Variants in TRDN observed in about 807,000 individuals in gnomAD.
The protein encoded by TRDN is triadin, also known as triadin in skeletal muscle.
Under a neutral mutation model 149.7 loss-of-function variants are expected in TRDN, and 161 were observed. That is an observed-to-expected ratio of 1.08 (90% CI 0.95 to 1.23). The LOEUF (loss-of-function observed/expected upper bound fraction) is 1.23. TRDN is among the 50% of genes most tolerant of loss of function. The probability of loss-of-function intolerance (pLI) is 0.00; values close to 1 mark genes in which losing one functional copy is unlikely to be tolerated. For missense variants in TRDN, 896 were observed against 823.5 expected (o/e 1.09, Z -1.08); for synonymous variants, 294 against 250.5 (o/e 1.17, Z -1.64).
At chr6:123,525,542 T>C (rs191077889) in intron 5 of TRDN, among the ~76,000 whole-genome samples, 158 of 151,932 alleles carry the variant, frequency 1.0e-3, no homozygotes, top group African/African-American at 3.5e-3. Context: ...TCTCAAAAAA[T>C]GGGGAGATTG....
chr6:123,572,978 G>C (rs79041391), intron 1 of TRDN, among the ~76,000 whole-genome samples: 11 of 152,148 alleles, frequency 7.2e-5, no homozygotes, highest in South Asian at 4.1e-4. Context: ...AATAATAATT[G>C]AAAGATTTTA....
intron 33 of TRDN, among the ~76,000 whole-genome samples, chr6:123,265,080 C>T (rs2114597954): frequency 6.6e-6 from 1 of 152,052 alleles, no homozygotes; most frequent in African/African-American, 2.4e-5. Flanking sequence ...TCTTCATGTG[C>T]TTATTGGTCT....
chr6:123,574,417 T>C lies in TRDN; in HGVS notation c.23-3285A>G, dbSNP rs907219504. Among the ~76,000 whole-genome samples, 30 of 152,068 alleles carry C rather than the reference T, an allele frequency of 2.0e-4. 1 individual carries two copies. The highest frequency in any genetic ancestry group is 7.2e-4 in the African/African-American group (30 of 41,540). On this transcript the variant is annotated intron_variant, in intron 1 of 40. Transcript: ENST00000334268. Reference sequence around the variant, plus strand: ...TCATATAATATCTTCTCATTGATTATTGTGCCAAATTCACATCACTCCTAA... The same window carrying C: ...TCATATAATATCTTCTCATTGATTACTGTGCCAAATTCACATCACTCCTAA...
intron 12 of TRDN, among the ~76,000 whole-genome samples, chr6:123,434,774 T>TA (rs1190503583): frequency 3.9e-5 from 6 of 152,114 alleles, no homozygotes; most frequent in African/African-American, 7.2e-5. Flanking sequence ...GATTTTTTTT[T>TA]AATTTTACAT....
At chr6:123,564,039 A>C (rs1321946022) in intron 2 of TRDN, among the ~76,000 whole-genome samples, 1 of 152,198 alleles carries the variant, frequency 6.6e-6, no homozygotes, top group Non-Finnish European at 1.5e-5. Context: ...AATTAAGAAC[A>C]CTTCTTAAAA....
chr6:123,479,112 G>A (rs1019843764), intron 9 of TRDN, among the ~76,000 whole-genome samples: 2 of 152,148 alleles, frequency 1.3e-5, no homozygotes, highest in Non-Finnish European at 2.9e-5. Flanking sequence ...TGCTTCTGGA[G>A]TGTTTTAATG....
intron 24 of TRDN, among the ~76,000 whole-genome samples, chr6:123,279,744 T>A (rs759438844): frequency 9.2e-5 from 14 of 152,096 alleles, no homozygotes; most frequent in African/African-American, 3.4e-4. Flanking sequence ...TATTTGACCA[T>A]ATTGATCACT....
At chr6:123,231,983 G>A (rs1775619649) in intron 38 of TRDN, among the ~76,000 whole-genome samples, 1 of 152,016 alleles carries the variant, frequency 6.6e-6, no homozygotes. Context: ...GTAAACTTGT[G>A]CAGACAAAGG....
At chr6:123,485,058 G>A (rs1389985889) in intron 9 of TRDN, among the ~76,000 whole-genome samples, 3 of 152,130 alleles carry the variant, frequency 2.0e-5, no homozygotes, top group Non-Finnish European at 4.4e-5. Context: ...ATGACAATCT[G>A]ATACATTTAT....
At chr6:123,506,128 C>A (rs945416135) in intron 7 of TRDN, among the ~76,000 whole-genome samples, 1 of 152,142 alleles carries the variant, frequency 6.6e-6, no homozygotes, top group African/African-American at 2.4e-5. Context: ...AAGAAAGTTT[C>A]ACTGGAGTGG....
chr6:123,324,180 T>C lies in TRDN; in HGVS notation c.1472-7685A>G, dbSNP rs9482379. Among the ~76,000 whole-genome samples the C allele has an allele frequency of 6.7e-3, 1,013 of 152,316 alleles. 10 individuals carry two copies. Among genetic ancestry groups the C allele is most frequent in the African/African-American group, 0.023 (964 of 41,568 alleles). ...TTGCTTGTTTTTCTGGGTACCAGTA[T>C]CGATTTTCTTGAATTTGAAGTAAGA... On this transcript the variant is annotated intron_variant, in intron 23 of 40. Coordinates refer to ENST00000334268, the MANE Select transcript of TRDN (RefSeq NM_006073.4).
In TRDN at chr6:123,529,477, T is replaced by C. The variant is rs984981409; in HGVS notation, c.484+1029A>G. 3.5e-5 allele frequency: 33 copies of C among 951,114 alleles called. No individual in the cohort carries two copies. In the Admixed American group the frequency reaches 6.7e-4, roughly 19 times the overall value. 58.9% of individuals were successfully genotyped at this position (951,114 alleles called of 1,614,324 possible). A position where few individuals can be genotyped will look rare whatever the true frequency, so the allele number is the denominator to read the frequency against. The stretch of plus-strand genomic sequence containing the variant: ...GATTAAAGACATAATATCTGTAGAA[T>C]GATTTGAGCCCTTCCCAAAAAGAAA... On this transcript the variant is annotated intron_variant, in intron 5 of 40. Coordinates refer to ENST00000334268, the MANE Select transcript of TRDN (RefSeq NM_006073.4).
intron 1 of TRDN, among the ~76,000 whole-genome samples, chr6:123,610,194 A>G (rs1209186176): frequency 6.6e-6 from 1 of 152,212 alleles, no homozygotes; most frequent in Non-Finnish European, 1.5e-5. Context: ...GCCTCAGTAA[A>G]TGCCAGGGTA....
At chr6:123,411,574 C>T (rs12209652) in intron 12 of TRDN, 57,253 of 152,234 alleles carry the variant, frequency 0.38, 11,237 homozygotes, top group Middle Eastern at 0.48. Flanking sequence ...AGAGAGATGA[C>T]GTGCAGTGGG....
chr6:123,622,885 T>C (rs764909890), intron 1 of TRDN, among the ~76,000 whole-genome samples: 3 of 152,136 alleles, frequency 2.0e-5, no homozygotes, highest in Non-Finnish European at 4.4e-5. Context: ...TGACAAAATA[T>C]TGGGTGACTC....
intron 9 of TRDN, among the ~76,000 whole-genome samples, chr6:123,482,721 T>C (rs1217206436): frequency 6.6e-6 from 1 of 152,178 alleles, no homozygotes; most frequent in Non-Finnish European, 1.5e-5. Flanking sequence ...TTTTTTCATA[T>C]CTATTTGCAC....
At chr6:123,388,364 T>C (rs1781983552) in intron 14 of TRDN, among the ~76,000 whole-genome samples, 158 bp downstream of exon 14, 1 of 152,116 alleles carries the variant, frequency 6.6e-6, no homozygotes, top group African/African-American at 2.4e-5. Context: ...CCCTTCTGTG[T>C]GAGGTGAAGT....
At chr6:123,513,033 A>G (rs1452987093) in intron 6 of TRDN, among the ~76,000 whole-genome samples, 1 of 152,190 alleles carries the variant, frequency 6.6e-6, no homozygotes, top group East Asian at 1.9e-4. Context: ...AGTGTCCTCC[A>G]GAATCTTGGA....
chr6:123,606,444 C>T (rs1237483189), intron 1 of TRDN, among the ~76,000 whole-genome samples: 1 of 151,938 alleles, frequency 6.6e-6, no homozygotes, highest in Non-Finnish European at 1.5e-5. Flanking sequence ...GTGTGATGGA[C>T]ATATGAATAT....
Sources: allele counts gnomAD v4.1 joint callset (sites outside exome capture counted in the v4.1 genomes callset), GRCh38; gene constraint gnomAD v4.1.1; transcripts MANE v1.5; gene names NCBI Gene and HGNC (gene_info 2026-07-23, HGNC 2026-07-21).